ZNF445: variants seen among roughly 807,000 people sequenced by gnomAD.
The protein encoded by ZNF445 is zinc finger protein 168.
ZNF445 carries 19 observed loss-of-function variants against 93.9 expected under a neutral mutation model. The ratio of observed to expected loss-of-function variants is 0.20; its 90% confidence interval spans 0.14 to 0.30. ZNF445 has a LOEUF of 0.30. Among genes scored for constraint, ZNF445 ranks in the 10% least tolerant of loss-of-function variants. The pLI is 1.00. For synonymous variants in ZNF445, 449 were observed against 446.3 expected, an observed-to-expected ratio of 1.01 and a Z score of -0.08; for missense variants, 1,058 against 1,259.4, an observed-to-expected ratio of 0.84 and a Z score of 2.42.
chr3:44,466,953 T>G (rs1024119092), intron 1 of ZNF445, among the ~76,000 whole-genome samples: 23 of 152,242 alleles, frequency 1.5e-4, no homozygotes, highest in Non-Finnish European at 2.9e-5. Flanking sequence ...GTAGCTTTCA[T>G]AGTGGCTATA....
intron 1 of ZNF445, among the ~76,000 whole-genome samples, chr3:44,465,065 T>TA (rs34412481): frequency 3.4e-3 from 384 of 113,316 alleles, no homozygotes; most frequent in African/African-American, 7.7e-3. Context: ...AGACTCCGCC[T>TA]AAAAAAAAAA....
In ZNF445 at chr3:44,451,587, G is replaced by C. The variant is rs972057033; in HGVS notation, c.430-105C>G. 3.2e-6 allele frequency: 4 copies of C among 1,247,756 alleles called. No individual in the cohort carries two copies. In the African/African-American group the frequency reaches 4.5e-5, roughly 14 times the overall value. The allele number at this position is 1,247,756 out of a possible 1,614,324, so 77.3% of individuals were successfully genotyped here. ...TCTGAAGGACAAAGGCCGAGGGATA[G>C]GTAAGCCAGGTCCTTTATTACTTCC... On this transcript the variant is annotated intron_variant, in intron 3 of 7. Transcript: ENST00000396077.
At chr3:44,457,164 C>T (rs1698039414) in intron 2 of ZNF445, among the ~76,000 whole-genome samples, 9 of 152,140 alleles carry the variant, frequency 5.9e-5, no homozygotes, top group Admixed American at 5.9e-4. Context: ...GAGTATATTT[C>T]GGGCTCTGAA....
At chr3:44,477,457 C>T (rs1311296436) in intron 1 of ZNF445, 134 bp downstream of exon 1, 1 of 152,014 alleles carries the variant, frequency 6.6e-6, no homozygotes, top group Non-Finnish European at 1.5e-5. Context: ...CACCGCCAGA[C>T]CCCCGCCACG....
At chr3:44,473,486 CACACAAAA>C (rs1482076024) in intron 1 of ZNF445, among the ~76,000 whole-genome samples, 1 of 61,556 alleles carries the variant, frequency 1.6e-5, no homozygotes, top group Non-Finnish European at 3.9e-5. Flanking sequence ...CACACACACA[CACACAAAA>C]AATGCTTTCA....
Position 44,437,302 on chromosome 3 carries a change from T to C in ZNF445, c.*9273A>G, listed in dbSNP as rs1313914501. On this transcript the variant is annotated 3_prime_UTR_variant, in exon 8 of 8. Transcript: ENST00000396077. ...CAACCTGCTTTATCAGCAAGGTCTT[T>C]GTGGCCTGGATCTTGTGCCAATCTC... 1 of 152,176 alleles carries C rather than the reference T, an allele frequency of 6.6e-6. No homozygotes were observed. The highest frequency in any genetic ancestry group is 1.5e-5 in the Non-Finnish European group (1 of 68,036). 9.4% of individuals were successfully genotyped at this position (152,176 alleles called of 1,614,324 possible).
chr3:44,447,544 G>A lies in ZNF445; in HGVS notation c.2127C>T (p.Tyr709=), dbSNP rs1279386815. The change falls in exon 8 of 8, where the codon TAC becomes TAT. Residue 709 remains tyrosine, a synonymous_variant. Coordinates refer to ENST00000396077, the MANE Select transcript of ZNF445 (RefSeq NM_181489.6). This position sits in a 1 kb window ranked among gnomAD's most constrained non-coding sequence, Gnocchi z 4.7. The part of the protein sequence containing the change: ...HQRIHTGEKP[Y]QCSDCGKDFA... Reference sequence around the variant, plus strand: ...AGTCCTTCCCACAATCGCTACACTGGTAAGGTTTCTCACCTGTGTGAATTC... The same window carrying A: ...AGTCCTTCCCACAATCGCTACACTGATAAGGTTTCTCACCTGTGTGAATTC... 6.2e-7 allele frequency: 1 copy of A among 1,613,978 alleles called. No homozygotes were observed. The highest frequency in any genetic ancestry group is 1.3e-5 in the African/African-American group (1 of 74,898).
Position 44,446,941 on chromosome 3 carries a change from G to C in ZNF445, c.2730C>G (p.Thr910=). ...WCGKEFIGRH[T]LSSHQRKHTR... ...TGTGTTTCCTCTGGTGACTGGAAAG[G>C]GTATGTCTCCCAATGAACTCTTTCC... is the stretch of plus-strand genomic sequence containing the variant. The change falls in exon 8 of 8, where the codon ACC becomes ACG. Residue 910 remains threonine (T), a synonymous_variant. Transcript: ENST00000396077. This position sits in a 1 kb window ranked among gnomAD's most constrained non-coding sequence, Gnocchi z 4.2. The C allele has an allele frequency of 6.2e-7, 1 of 1,613,986 alleles. No homozygotes were observed. Among genetic ancestry groups the C allele is most frequent in the African/African-American group, 1.3e-5 (1 of 74,956 alleles).
At chr3:44,455,039 T>G in intron 3 of ZNF445, 82 bp downstream of exon 3, 1 of 1,561,748 alleles carries the variant, frequency 6.4e-7, no homozygotes, top group Non-Finnish European at 8.8e-7. Flanking sequence ...ATTGACAGTT[T>G]AGAGGGCCAC....
intron 1 of ZNF445, among the ~76,000 whole-genome samples, chr3:44,466,809 TTAAA>T (rs879551575): frequency 6.6e-6 from 1 of 152,250 alleles, no homozygotes; most frequent in Non-Finnish European, 1.5e-5. Context: ...CTGTATTTGT[TTAAA>T]TATGTTATCA....
At chr3:44,470,669 C>T (rs529713746) in intron 1 of ZNF445, among the ~76,000 whole-genome samples, 1 of 152,318 alleles carries the variant, frequency 6.6e-6, no homozygotes, top group South Asian at 2.1e-4. Context: ...GCCATGATTT[C>T]CTCTGGGAGG....
rs1033023042 is a variant in ZNF445, at chr3:44,444,152, G to A, written c.*2423C>T. ...CCTGTCTCAAAAAATAAAAAAGACA[G>A]TAAAAATATCCCTATACTGGGGCAG... On this transcript the variant is annotated 3_prime_UTR_variant, in exon 8 of 8. Transcript: ENST00000396077. The A allele has an allele frequency of 6.6e-6, 1 of 152,094 alleles. No individual in the cohort carries two copies. Among genetic ancestry groups the A allele is most frequent in the East Asian group, 1.9e-4 (1 of 5,192 alleles). 9.4% of individuals were successfully genotyped at this position (152,094 alleles called of 1,614,324 possible).
At position 44,446,567 on chromosome 3, in the gene ZNF445, G is replaced by C. The variant is rs541807533; in HGVS notation, c.*8C>G. The C allele has an allele frequency of 2.5e-6, 4 of 1,614,066 alleles. No homozygotes were observed. In the Admixed American group the frequency reaches 5.0e-5, roughly 20 times the overall value. On this transcript the variant is annotated 3_prime_UTR_variant, in exon 8 of 8. Coordinates refer to ENST00000396077, the MANE Select transcript of ZNF445 (RefSeq NM_181489.6). This position sits in a 1 kb window ranked among gnomAD's most constrained non-coding sequence, Gnocchi z 4.2. ...AACCCACCCCCACTGTCACTGTCAG[G>C]TCCCAGGCTAATCTCTAATATGGTT...
intron 1 of ZNF445, among the ~76,000 whole-genome samples, chr3:44,473,403 G>A (rs1222951427): frequency 6.6e-6 from 1 of 150,862 alleles, no homozygotes. Context: ...GCAGTGAGCC[G>A]AGATCATGCC....
intron 1 of ZNF445, among the ~76,000 whole-genome samples, chr3:44,474,243 G>A (rs899796280): frequency 6.6e-5 from 10 of 152,184 alleles, no homozygotes; most frequent in East Asian, 1.9e-4. Flanking sequence ...AGGCCGGCAC[G>A]GTGGCTCATG....
rs1697942054 is a variant in ZNF445, at chr3:44,450,463, C to T, written c.804G>A (p.Arg268=). ...LYRDVMLENY[R]NMASLVGPFT... ...ATTACTTACCCAGGGAAGCCATGTT[C>T]CTATAATTCTCCAGCATCACATCCC... Residue 268 remains arginine (R), a synonymous_variant, in exon 6 of 8, where the codon AGG becomes AGA. Transcript: ENST00000396077. The T allele has an allele frequency of 1.2e-6, 2 of 1,614,150 alleles. No homozygotes were observed. The highest frequency in any genetic ancestry group is 8.5e-7 in the Non-Finnish European group (1 of 1,180,034).
rs1183491752 is a variant in ZNF445, at chr3:44,443,303, AATTC to A, written c.*3268_*3271del. 6.6e-6 allele frequency: 1 copy of A among 152,240 alleles called. No homozygotes were observed. Among genetic ancestry groups the A allele is most frequent in the Non-Finnish European group, 1.5e-5 (1 of 68,054 alleles). The allele number at this position is 152,240 out of a possible 1,614,324, so 9.4% of individuals were successfully genotyped here. A position where few individuals can be genotyped will look rare whatever the true frequency, so the allele number is the denominator to read the frequency against. ...ACTTTTTTTCCTTTCAGCTAATCTG[AATTC>A]ATTAATATTTATATAATTATAGTAC... On this transcript the variant is annotated 3_prime_UTR_variant, in exon 8 of 8. Coordinates refer to ENST00000396077, the MANE Select transcript of ZNF445 (RefSeq NM_181489.6).
chr3:44,455,285 G>A lies in ZNF445; in HGVS notation c.265C>T (p.Leu89Phe). Residue 89 changes from leucine to phenylalanine, a missense_variant, in exon 3 of 8, where the codon CTC becomes TTC. Physicochemically the swap from Leu to Phe is conservative, Grantham distance 22. Transcript: ENST00000396077. ...LCRWWLRPDV[L>F]SKAQILELLV... ...AGCTCTAGGATCTGTGCCTTGGAGA[G>A]AACGTCAGGCCTCAGCCACCAGCGA... The A allele has an allele frequency of 6.2e-7, 1 of 1,614,196 alleles. No homozygotes were observed. Among genetic ancestry groups the A allele is most frequent in the Non-Finnish European group, 8.5e-7 (1 of 1,180,012 alleles).
chr3:44,441,528 A>C lies in ZNF445; in HGVS notation c.*5047T>G, dbSNP rs1413462539. The stretch of plus-strand genomic sequence containing the variant: ...TCACTCTGGTTCAAACGCCTCTGAC[A>C]CTCCCAATTTTTGCAGGTGAGGAAA... On this transcript the variant is annotated 3_prime_UTR_variant, in exon 8 of 8. Transcript: ENST00000396077. 3 of 151,834 alleles carry C rather than the reference A, an allele frequency of 2.0e-5. No individual in the cohort carries two copies. Among genetic ancestry groups the C allele is most frequent in the African/African-American group, 7.3e-5 (3 of 41,282 alleles). 9.4% of individuals were successfully genotyped at this position (151,834 alleles called of 1,614,324 possible). A position where few individuals can be genotyped will look rare whatever the true frequency, so the allele number is the denominator to read the frequency against.
Sources: gnomAD v4.1 joint callset for allele counts (sites outside exome capture counted in the v4.1 genomes callset) on GRCh38, gnomAD v4.1.1 for gene constraint, Gnocchi (gnomAD v3.1) non-coding constraint, MANE v1.5 for transcripts, NCBI Gene and HGNC (gene_info 2026-07-23, HGNC 2026-07-21) for gene names.